BPIFA1: variants seen among roughly 807,000 people sequenced by gnomAD.
BPIFA1 encodes the protein BPI fold-containing family A member 1.
Under a neutral mutation model 25.1 loss-of-function variants are expected in BPIFA1, and 24 were observed. The ratio of observed to expected loss-of-function variants is 0.96; its 90% confidence interval spans 0.69 to 1.35. The LOEUF is 1.35. BPIFA1 is among the 40% of genes most tolerant of loss of function. BPIFA1 has a pLI of 0.00. For synonymous variants in BPIFA1, 139 were observed against 131.8 expected (o/e 1.05, Z -0.37); for missense variants, 344 against 303.7 (o/e 1.13, Z -0.99).
At chr20:33,240,780 G>A (rs1211842532) in intron 5 of BPIFA1, among the ~76,000 whole-genome samples, 1 of 152,140 alleles carries the variant, frequency 6.6e-6, no homozygotes, top group Non-Finnish European at 1.5e-5. Flanking sequence ...GCATATTACA[G>A]GGGAATGGGG....
At chr20:33,240,480 G>A (rs572619197) in intron 5 of BPIFA1, 95 bp downstream of exon 5, 2 of 1,473,894 alleles carry the variant, frequency 1.4e-6, no homozygotes, top group African/African-American at 2.8e-5. Context: ...GAATAGATGA[G>A]TGAGAGGCTG....
intron 3 of BPIFA1, 144 bp downstream of exon 3, chr20:33,238,358 C>A: frequency 2.0e-6 from 2 of 992,240 alleles, no homozygotes; most frequent in Non-Finnish European, 2.9e-6. Context: ...AGTTCTGAGA[C>A]CCATCTCCAG....
In BPIFA1 at chr20:33,242,077, G is replaced by T; in HGVS notation, c.688G>T (p.Val230Phe). The change falls in exon 7 of 9, where the codon GTT becomes TTT. Residue 230 changes from valine (V) to phenylalanine (F), a missense_variant. By Grantham distance (50) the Val-to-Phe change is conservative (BLOSUM62 -1). Coordinates refer to ENST00000354297, the MANE Select transcript of BPIFA1 (RefSeq NM_130852.3). ...QGNVCPLVNE[V>F]LRGLDITLVH... ...CCAGGTGTGCCCTCTGGTCAATGAG[G>T]TTCTCAGAGGCTTGGACATCACCCT... The T allele has an allele frequency of 6.2e-7, 1 of 1,614,114 alleles. No individual in the cohort carries two copies. The highest frequency in any genetic ancestry group is 1.1e-5 in the South Asian group (1 of 91,070).
At chr20:33,241,356 C>T (rs1443156473) in intron 5 of BPIFA1, 29 bp from the exon 6 acceptor site, 24 of 1,584,094 alleles carry the variant, frequency 1.5e-5, no homozygotes, top group Middle Eastern at 3.3e-4. Flanking sequence ...CTCCAGGTCC[C>T]TGCATCACCC....
At chr20:33,240,555 G>GATGC (rs1318494237) in intron 5 of BPIFA1, among the ~76,000 whole-genome samples, 170 bp downstream of exon 5, 4 of 151,708 alleles carry the variant, frequency 2.6e-5, no homozygotes, top group Non-Finnish European at 5.9e-5. Context: ...TGGATGGATG[G>GATGC]ATGGATGGAT....
chr20:33,239,732 G>A, intron 3 of BPIFA1, 71 bp from the exon 4 acceptor site: 2 of 1,443,324 alleles, frequency 1.4e-6, no homozygotes, highest in Non-Finnish European at 1.9e-6. Flanking sequence ...GTACTGTTAG[G>A]TTAAAGATGG....
chr20:33,240,601 T>C (rs963000314), intron 5 of BPIFA1, among the ~76,000 whole-genome samples: 8 of 151,060 alleles, frequency 5.3e-5, no homozygotes, highest in African/African-American at 2.0e-4. Flanking sequence ...GATGGTTGGG[T>C]TGATGGAGAG....
chr20:33,238,128 G>T lies in BPIFA1; in HGVS notation c.234G>T (p.Lys78Asn). ...ACCTTCCGCTCCTGGACATCCTGAAGCCTGGAGGAGGTACTTCTGGTGGCC... is the reference window on the plus strand; with the variant it reads ...ACCTTCCGCTCCTGGACATCCTGAATCCTGGAGGAGGTACTTCTGGTGGCC... Reference protein sequence around the residue: ...LENLPLLDILKPGGGTSGGLL... With the variant: ...LENLPLLDILNPGGGTSGGLL... The change falls in exon 3 of 9, where the codon AAG becomes AAT. Residue 78 changes from lysine (K) to asparagine (N), a missense_variant. Physicochemically the swap from Lys to Asn is moderately conservative, Grantham distance 94. Transcript: ENST00000354297. 1 of 1,613,982 alleles carries T rather than the reference G, an allele frequency of 6.2e-7. No homozygotes were observed.
At chr20:33,241,204 G>A (rs991091210) in intron 5 of BPIFA1, among the ~76,000 whole-genome samples, 181 bp from the exon 6 acceptor site, 1 of 152,204 alleles carries the variant, frequency 6.6e-6, no homozygotes, top group Non-Finnish European at 1.5e-5. Context: ...GTTCACTGCT[G>A]TACACAAATG....
At chr20:33,240,101 C>G in intron 4 of BPIFA1, 132 bp from the exon 5 acceptor site, 4 of 1,450,270 alleles carry the variant, frequency 2.8e-6, no homozygotes, top group Non-Finnish European at 3.8e-6. Flanking sequence ...GTTTCTCCTG[C>G]TAGAAAATGA....
At chr20:33,237,226 T>C (rs892403705) in intron 1 of BPIFA1, among the ~76,000 whole-genome samples, 4 of 152,254 alleles carry the variant, frequency 2.6e-5, no homozygotes, top group African/African-American at 9.6e-5. Context: ...CCACACTCGG[T>C]AGTACACAAG....
At chr20:33,238,997 T>C (rs1320941466) in intron 3 of BPIFA1, among the ~76,000 whole-genome samples, 1 of 152,212 alleles carries the variant, frequency 6.6e-6, no homozygotes. Context: ...TTTCTCCATC[T>C]GTAAAATATA....
In BPIFA1 at chr20:33,242,507, C is replaced by T; in HGVS notation, c.751C>T (p.Gln251Ter). The change falls in exon 8 of 9, where the codon CAG becomes TAG. Residue 251 changes from glutamine to a stop codon, truncating the protein, a stop_gained. Coordinates refer to ENST00000354297, the MANE Select transcript of BPIFA1 (RefSeq NM_130852.3). LOFTEE classifies it high-confidence loss of function. ...TTTAGACATGCTGATCCACGGACTACAGTTTGTCATCAAGGTCTAAGCCTT... is the reference window on the plus strand; with the variant it reads ...TTTAGACATGCTGATCCACGGACTATAGTTTGTCATCAAGGTCTAAGCCTT... Reference protein sequence around the residue: ...DIVNMLIHGLQFVIKV With the variant: ...DIVNMLIHGL 1 of 1,614,126 alleles carries T rather than the reference C, an allele frequency of 6.2e-7. No homozygotes were observed.
chr20:33,242,642 A>G, intron 8 of BPIFA1, 81 bp downstream of exon 8: 1 of 1,005,342 alleles, frequency 9.9e-7, no homozygotes, highest in Non-Finnish European at 1.5e-6. Flanking sequence ...AGCTTGGGAC[A>G]ATGACATCCA....
At chr20:33,239,163 G>C (rs1220524251) in intron 3 of BPIFA1, among the ~76,000 whole-genome samples, 2 of 152,156 alleles carry the variant, frequency 1.3e-5, no homozygotes, top group African/African-American at 4.8e-5. Flanking sequence ...AGACAACAGG[G>C]TGTGATGATG....
intron 3 of BPIFA1, 61 bp from the exon 4 acceptor site, chr20:33,239,742 G>GT: frequency 6.7e-7 from 1 of 1,490,774 alleles, no homozygotes; most frequent in South Asian, 1.1e-5. Context: ...GTTAAAGATG[G>GT]TTTCTGGGTT....
chr20:33,242,699 G>A, intron 8 of BPIFA1, 138 bp downstream of exon 8: 2 of 650,782 alleles, frequency 3.1e-6, no homozygotes, highest in Non-Finnish European at 5.3e-6. Flanking sequence ...GATGCACAGA[G>A]AAATCCACAG....
intron 1 of BPIFA1, 80 bp from the exon 2 acceptor site, chr20:33,237,616 AC>A (rs1978738646): frequency 4.1e-6 from 5 of 1,214,202 alleles, no homozygotes; most frequent in South Asian, 5.9e-5. Context: ...AAACAACCCC[AC>A]CCCCCAGGTG....
rs540978019 is a variant in BPIFA1 at position 33,242,389 on chromosome 20, G to T, written c.731-98G>T. 4.3e-6 allele frequency: 6 copies of T among 1,406,418 alleles called. No homozygotes were observed. The South Asian group carries it at 7.2e-5, about 17-fold the overall frequency. The allele number at this position is 1,406,418 out of a possible 1,614,324, so 87.1% of individuals were successfully genotyped here. On this transcript the variant is annotated intron_variant, in intron 7 of 8. Transcript: ENST00000354297. Reference sequence around the variant, plus strand: ...GCTGAACACAGTCGGATCTCCAGAGGCCTCCATTCCCTGGCCCCCCACCTT... The same window carrying T: ...GCTGAACACAGTCGGATCTCCAGAGTCCTCCATTCCCTGGCCCCCCACCTT...
Sources: allele counts gnomAD v4.1 joint callset (sites outside exome capture counted in the v4.1 genomes callset), GRCh38; gene constraint gnomAD v4.1.1; transcripts MANE v1.5; gene names NCBI Gene and HGNC (gene_info 2026-07-23, HGNC 2026-07-21).